Variants in TMPO observed in about 807,000 individuals in gnomAD.
TMPO encodes the protein LEM domain containing 4.
Under a neutral mutation model 45.4 loss-of-function variants are expected in TMPO, and 22 were observed. That is an observed-to-expected ratio of 0.48 (90% CI 0.35 to 0.69). TMPO has a LOEUF of 0.69. TMPO is among the 30% of genes least tolerant of loss of function. TMPO has a pLI of 0.01. For missense variants in TMPO, 512 were observed against 548.8 expected (o/e 0.93, Z 0.67); for synonymous variants, 241 against 204.1 (o/e 1.18, Z -1.54).
chr12:98,545,243 A>G (rs1878164385), intron 7 of TMPO, among the ~76,000 whole-genome samples, 182 bp downstream of exon 7: 1 of 151,464 alleles, frequency 6.6e-6, no homozygotes, highest in African/African-American at 2.4e-5. Flanking sequence ...ACAGAAATTA[A>G]CTAATATAGT....
At chr12:98,530,235 G>T (rs566384280) in intron 2 of TMPO, among the ~76,000 whole-genome samples, 2 of 152,006 alleles carry the variant, frequency 1.3e-5, no homozygotes, top group Admixed American at 1.3e-4. Context: ...TACTCAGGAG[G>T]CAAAGGTGGG....
In TMPO at chr12:98,534,014, C is replaced by T. The variant is rs1226654981; in HGVS notation, c.565+2176C>T. On this transcript the variant is annotated intron_variant, in intron 3 of 8. Coordinates refer to ENST00000556029, the MANE Select transcript of TMPO (RefSeq NM_001032283.3). Reference sequence around the variant, plus strand: ...TCAGCATTGCAGATTGCAACTCACACTGCCTTTGTAGCTAAGGCTATGCAG... The same window carrying T: ...TCAGCATTGCAGATTGCAACTCACATTGCCTTTGTAGCTAAGGCTATGCAG... 1 of 1,607,676 alleles carries T rather than the reference C, an allele frequency of 6.2e-7. No individual in the cohort carries two copies. Among genetic ancestry groups the T allele is most frequent in the Non-Finnish European group, 8.5e-7 (1 of 1,175,342 alleles).
In TMPO at chr12:98,533,217, T is replaced by TGGTTTC. The variant is rs777874646; in HGVS notation, c.565+1379_565+1380insGGTTTC. On this transcript the variant is annotated intron_variant, in intron 3 of 8. Transcript: ENST00000556029. ...CACTGATTAAAGAAACCACCACTGG[T>TGGTTTC]TACTATAAAGACATAGTAGAAAATA... The TGGTTTC allele has an allele frequency of 7.4e-6, 12 of 1,613,932 alleles. No individual in the cohort carries two copies. In the South Asian group the frequency reaches 1.2e-4, roughly 16 times the overall value.
At chr12:98,532,069 C>G in intron 3 of TMPO, 2 of 463,372 alleles carry the variant, frequency 4.3e-6, no homozygotes, top group Non-Finnish European at 7.7e-6. Flanking sequence ...TTAACTTTGT[C>G]TTTTTTGCTA....
Position 98,548,373 on chromosome 12 carries a change from G to T in TMPO, c.*515G>T. ...CAACAAAGTTTGATGGTGTTTATGA[G>T]GAAAAGTACAGCAATAATCTCTTCT... On this transcript the variant is annotated 3_prime_UTR_variant, in exon 9 of 9. Coordinates refer to ENST00000556029, the MANE Select transcript of TMPO (RefSeq NM_001032283.3). 6.3e-6 allele frequency: 1 copy of T among 157,650 alleles called. No individual in the cohort carries two copies. The highest frequency in any genetic ancestry group is 1.4e-5 in the Non-Finnish European group (1 of 71,468). The allele number at this position is 157,650 out of a possible 1,614,324, so 9.8% of individuals were successfully genotyped here.
chr12:98,538,712 C>T (rs1877722020), intron 4 of TMPO, among the ~76,000 whole-genome samples: 2 of 152,150 alleles, frequency 1.3e-5, no homozygotes, highest in African/African-American at 4.8e-5. Flanking sequence ...TAAGGCAAGT[C>T]AGTCTCTCTC....
chr12:98,545,129 GTTTT>G (rs79128220), intron 7 of TMPO, 68 bp downstream of exon 7: 443 of 648,896 alleles, frequency 6.8e-4, no homozygotes, highest in East Asian at 1.0e-3. Flanking sequence ...ATATTTGTTT[GTTTT>G]TTTTTTTTTT....
At chr12:98,523,828 A>G (rs958523088) in intron 1 of TMPO, among the ~76,000 whole-genome samples, 6 of 152,238 alleles carry the variant, frequency 3.9e-5, no homozygotes, top group Non-Finnish European at 8.8e-5. Context: ...GGCGTGTGCC[A>G]TCACACCTGG....
chr12:98,548,858 C>G lies in TMPO; in HGVS notation c.*1000C>G, dbSNP rs1023109095. On this transcript the variant is annotated 3_prime_UTR_variant, in exon 9 of 9. Coordinates refer to ENST00000556029, the MANE Select transcript of TMPO (RefSeq NM_001032283.3). ...AAAAAGGGCCAGGCGCGGTGGCTTA[C>G]GCCTGTAATCCCAGCACTTTGGGAG... is the stretch of plus-strand genomic sequence containing the variant. 6.6e-6 allele frequency: 1 copy of G among 152,210 alleles called. No individual in the cohort carries two copies. The highest frequency in any genetic ancestry group is 1.5e-5 in the Non-Finnish European group (1 of 68,048). 9.4% of individuals were successfully genotyped at this position (152,210 alleles called of 1,614,324 possible).
chr12:98,548,295 CAT>C lies in TMPO; in HGVS notation c.*439_*440del, dbSNP rs779490688. 1.6e-4 allele frequency: 25 copies of C among 158,710 alleles called. No homozygotes were observed. Among genetic ancestry groups the C allele is most frequent in the Non-Finnish European group, 2.5e-4 (18 of 72,118 alleles). 9.8% of individuals were successfully genotyped at this position (158,710 alleles called of 1,614,324 possible). A position where few individuals can be genotyped will look rare whatever the true frequency, so the allele number is the denominator to read the frequency against. On this transcript the variant is annotated 3_prime_UTR_variant, in exon 9 of 9. Transcript: ENST00000556029. Reference sequence around the variant, plus strand: ...GAATAAAAACTGCAAATATGTGAAACATAATGAAATTCAGTAAGAGGAAAAGT... The same window carrying C: ...GAATAAAAACTGCAAATATGTGAAACAATGAAATTCAGTAAGAGGAAAAGT...
intron 1 of TMPO, among the ~76,000 whole-genome samples, chr12:98,523,406 T>C (rs796203809): frequency 6.6e-6 from 1 of 151,714 alleles, no homozygotes; most frequent in African/African-American, 2.4e-5. Flanking sequence ...ATACAAAAAT[T>C]AGTTAGTCGG....
intron 3 of TMPO, among the ~76,000 whole-genome samples, chr12:98,535,787 A>G (rs531127662): frequency 2.6e-5 from 4 of 152,204 alleles, no homozygotes; most frequent in Admixed American, 2.0e-4. Context: ...TGATTATGGT[A>G]TGGTTTTTCT....
chr12:98,523,939 A>G (rs1876570634), intron 1 of TMPO, among the ~76,000 whole-genome samples: 1 of 152,118 alleles, frequency 6.6e-6, no homozygotes, highest in African/African-American at 2.4e-5. Context: ...TCGGCCTCCC[A>G]AAGTGCTAGA....
chr12:98,534,487 A>G (rs1877446346), intron 3 of TMPO: 4 of 1,483,790 alleles, frequency 2.7e-6, no homozygotes, highest in Non-Finnish European at 3.6e-6. Context: ...GTATAAAAGT[A>G]ATTGCCTGTG....
rs10632560 is a variant in TMPO at position 98,547,078 on chromosome 12, C to CTTTTTTTTTTTTTTTTTTTTTTT, written c.1080-480_1080-479insTTTTTTTTTTTTTTTTTTTTTTT. ...CTTTTCTAATAAAGGATGCATCGAA[C>CTTTTTTTTTTTTTTTTTTTTTTT]TTTTTTTTTTTTTTTGAGACGGAGT... On this transcript the variant is annotated intron_variant, in intron 8 of 8. Transcript: ENST00000556029. Among the ~76,000 whole-genome samples, 2 of 141,680 alleles carry CTTTTTTTTTTTTTTTTTTTTTTT rather than the reference C, an allele frequency of 1.4e-5. 1 individual carries two copies. The allele number at this position is 141,680 out of a possible 152,430, so 92.9% of individuals were successfully genotyped here. A position where few individuals can be genotyped will look rare whatever the true frequency, so the allele number is the denominator to read the frequency against.
In TMPO at chr12:98,544,528, C is replaced by G; in HGVS notation, c.870C>G (p.Asn290Lys). The change falls in exon 6 of 9, where the codon AAC becomes AAG. Residue 290 changes from asparagine (N) to lysine (K), a missense_variant. Coordinates refer to ENST00000556029, the MANE Select transcript of TMPO (RefSeq NM_001032283.3). ...CTGAAACTATAATGGCTTCAAGCAA[C>G]GAATCCTTAGTAAATATGTTTCATA... ...PIAETIMASS[N>K]ESLVVNRVTG... 6.2e-7 allele frequency: 1 copy of G among 1,609,850 alleles called. No individual in the cohort carries two copies. Among genetic ancestry groups the G allele is most frequent in the Non-Finnish European group, 8.5e-7 (1 of 1,176,392 alleles).
At chr12:98,546,229 A>G in intron 7 of TMPO, 130 bp from the exon 8 acceptor site, 1 of 708,546 alleles carries the variant, frequency 1.4e-6, no homozygotes, top group Non-Finnish European at 2.6e-6. Context: ...TAATTTAGAA[A>G]TGGCAGCTGT....
At chr12:98,536,330 T>C (rs1159171641) in intron 3 of TMPO, among the ~76,000 whole-genome samples, 1 of 152,184 alleles carries the variant, frequency 6.6e-6, no homozygotes, top group Non-Finnish European at 1.5e-5. Context: ...AATTTTGCTA[T>C]ACCATGATAA....
rs1038791047 is a variant in TMPO at position 98,531,892 on chromosome 12, T to A, written c.565+54T>A. The A allele has an allele frequency of 1.3e-4, 195 of 1,496,808 alleles. 1 individual carries two copies. The highest frequency in any genetic ancestry group is 3.7e-5 in the Admixed American group (2 of 54,012). 92.7% of individuals were successfully genotyped at this position (1,496,808 alleles called of 1,614,324 possible). A position where few individuals can be genotyped will look rare whatever the true frequency, so the allele number is the denominator to read the frequency against. On this transcript the variant is annotated intron_variant, in intron 3 of 8. Coordinates refer to ENST00000556029, the MANE Select transcript of TMPO (RefSeq NM_001032283.3). Reference sequence around the variant, plus strand: ...GTATGGAATTTTTTCACACTCAAAATTCAGTGACCATGAAGAAAGTAAAAT... The same window carrying A: ...GTATGGAATTTTTTCACACTCAAAAATCAGTGACCATGAAGAAAGTAAAAT...
Sources: allele counts gnomAD v4.1 joint callset (sites outside exome capture counted in the v4.1 genomes callset), GRCh38; gene constraint gnomAD v4.1.1; transcripts MANE v1.5; gene names NCBI Gene and HGNC (gene_info 2026-07-23, HGNC 2026-07-21).